TTLL11: variants seen among roughly 807,000 people sequenced by gnomAD.
TTLL11 encodes the protein tubulin tyrosine ligase like 11.
In TTLL11, 42 loss-of-function variants were observed where a neutral mutation model predicts 51.7. That is an observed-to-expected ratio of 0.81 (90% confidence interval 0.64 to 1.05). The LOEUF is 1.05. TTLL11 is among the 50% of genes least tolerant of loss of function. The pLI is 0.00. For missense variants in TTLL11, 799 were observed against 940.4 expected, an observed-to-expected ratio of 0.85 and a Z score of 1.97; for synonymous variants, 381 against 383.5, an observed-to-expected ratio of 0.99 and a Z score of 0.08.
chr9:121,828,713 C>T (rs973292471), intron 8 of TTLL11, among the ~76,000 whole-genome samples: 2 of 152,086 alleles, frequency 1.3e-5, no homozygotes, highest in East Asian at 3.9e-4. Context: ...CATTTATTCC[C>T]TTACAATAAA....
At chr9:121,974,195 C>T in intron 5 of TTLL11, 71 bp from the exon 6 acceptor site, 1 of 1,189,226 alleles carries the variant, frequency 8.4e-7, no homozygotes, top group South Asian at 1.4e-5. Flanking sequence ...CCAGCTAGCT[C>T]CAGGGGTTAT....
At chr9:122,050,662 G>A (rs1337050059) in intron 1 of TTLL11, among the ~76,000 whole-genome samples, 8 of 152,012 alleles carry the variant, frequency 5.3e-5, no homozygotes, top group African/African-American at 1.9e-4. Context: ...ATGACCAATG[G>A]CATACAGCAG....
chr9:122,051,771 T>C (rs2131849861), intron 1 of TTLL11, among the ~76,000 whole-genome samples: 1 of 152,220 alleles, frequency 6.6e-6, no homozygotes, highest in East Asian at 1.9e-4. Context: ...GTAATAAATT[T>C]CTTCTGTTTC....
Position 121,995,020 on chromosome 9 carries a change from G to A in TTLL11, c.694-5250C>T, listed in dbSNP as rs1445378656. On this transcript the variant is annotated intron_variant, in intron 3 of 8. Transcript: ENST00000321582. The surrounding 1 kb of genome is among the most constrained non-coding windows in gnomAD (Gnocchi z 4.4). Reference sequence around the variant, plus strand: ...ATATAAGGGAATGAGGAAAGGCAGAGGGGAGGCAGTGGGAAGATGATGAGC... The same window carrying A: ...ATATAAGGGAATGAGGAAAGGCAGAAGGGAGGCAGTGGGAAGATGATGAGC... Among the ~76,000 whole-genome samples the A allele has an allele frequency of 6.6e-6, 1 of 152,216 alleles. No individual in the cohort carries two copies. Among genetic ancestry groups the A allele is most frequent in the Non-Finnish European group, 1.5e-5 (1 of 68,042 alleles).
At chr9:121,830,235 A>C (rs1376189898) in intron 8 of TTLL11, among the ~76,000 whole-genome samples, 1 of 152,246 alleles carries the variant, frequency 6.6e-6, no homozygotes, top group East Asian at 1.9e-4. Context: ...TTGCAGACTT[A>C]TGAAACCGCA....
intron 1 of TTLL11, among the ~76,000 whole-genome samples, chr9:122,081,554 G>C (rs911854222): frequency 1.3e-5 from 2 of 152,208 alleles, no homozygotes; most frequent in Non-Finnish European, 2.9e-5. Context: ...AAATCTATGT[G>C]AAAGTTTCAT....
At chr9:121,823,624 C>T (rs1410391864) in intron 8 of TTLL11, among the ~76,000 whole-genome samples, 1 of 152,150 alleles carries the variant, frequency 6.6e-6, no homozygotes, top group Non-Finnish European at 1.5e-5. Flanking sequence ...AAGATAAACC[C>T]GGTTTGACGG....
At chr9:121,966,289 A>T (rs1444872961) in intron 6 of TTLL11, among the ~76,000 whole-genome samples, 1 of 152,124 alleles carries the variant, frequency 6.6e-6, no homozygotes, top group Non-Finnish European at 1.5e-5. Context: ...GCAGTCCATA[A>T]CCCAGCTCCC....
At chr9:121,950,185 C>A (rs948686748) in intron 6 of TTLL11, among the ~76,000 whole-genome samples, 1 of 152,234 alleles carries the variant, frequency 6.6e-6, no homozygotes, top group Non-Finnish European at 1.5e-5. Flanking sequence ...TCAGTTATGA[C>A]CCTCCTAGGC....
At chr9:121,938,228 T>G (rs10985457) in intron 6 of TTLL11, among the ~76,000 whole-genome samples, 43,323 of 149,670 alleles carry the variant, frequency 0.29, 6,717 homozygotes, top group African/African-American at 0.39. Context: ...TGCAGAGGTT[T>G]CAGTGAGCCA....
chr9:122,017,477 T>C (rs1588208713), intron 3 of TTLL11, among the ~76,000 whole-genome samples: 1 of 151,368 alleles, frequency 6.6e-6, no homozygotes, highest in South Asian at 2.1e-4. Flanking sequence ...TGAGGCTTTT[T>C]TTTTTTTTTT....
chr9:122,050,392 CA>C (rs1464013753), intron 1 of TTLL11, among the ~76,000 whole-genome samples: 2 of 152,182 alleles, frequency 1.3e-5, no homozygotes, highest in Non-Finnish European at 2.9e-5. Flanking sequence ...TGCCTTCAGG[CA>C]GGTTAATAGA....
chr9:122,068,792 C>A (rs1019708200), intron 1 of TTLL11, among the ~76,000 whole-genome samples: 1 of 152,210 alleles, frequency 6.6e-6, no homozygotes, highest in South Asian at 2.1e-4. Context: ...GTCTCCCTGG[C>A]ACTTGGGTGT....
intron 6 of TTLL11, among the ~76,000 whole-genome samples, chr9:121,899,365 G>GTGTATATATATACATATATATATA (rs1226221957): frequency 9.7e-5 from 11 of 113,224 alleles, no homozygotes; most frequent in South Asian, 3.4e-4. Context: ...ATGTGTGTGT[G>GTGTATATATATACATATATATATA]TATATATATA....
In TTLL11 at chr9:121,827,287, C is replaced by T. The variant is rs79758752; in HGVS notation, c.1841-4408G>A. On this transcript the variant is annotated intron_variant, in intron 8 of 8. Coordinates refer to ENST00000321582, the MANE Select transcript of TTLL11 (RefSeq NM_001139442.2). ...AATGGTGGCTTACAGGCCTGCCACA[C>T]AGCCCCTCACCCCTCGGGGCCCTTG... 4.8e-3 allele frequency among the ~76,000 whole-genome samples: 731 copies of T among 152,272 alleles called. 8 individuals carry two copies. The highest frequency in any genetic ancestry group is 0.016 in the African/African-American group (669 of 41,552).
intron 1 of TTLL11, among the ~76,000 whole-genome samples, chr9:122,092,479 AG>A (rs1461682163): frequency 2.6e-4 from 40 of 152,076 alleles, no homozygotes; most frequent in Admixed American, 2.2e-3. Context: ...CTTGACCTGG[AG>A]GGGTCTGGGG....
At chr9:122,015,807 C>CAAAAAA (rs11297849) in intron 3 of TTLL11, among the ~76,000 whole-genome samples, 18 of 94,466 alleles carry the variant, frequency 1.9e-4, no homozygotes, top group African/African-American at 3.4e-4. Flanking sequence ...TCAAAAGAGA[C>CAAAAAA]AAAAAAAAAA....
intron 1 of TTLL11, among the ~76,000 whole-genome samples, chr9:122,073,666 A>G (rs1397525776): frequency 6.6e-6 from 1 of 152,142 alleles, no homozygotes; most frequent in African/African-American, 2.4e-5. Context: ...GAAACACCTC[A>G]CCAATCTGGA....
At chr9:121,863,393 A>G (rs1384794630) in intron 7 of TTLL11, among the ~76,000 whole-genome samples, 3 of 152,230 alleles carry the variant, frequency 2.0e-5, no homozygotes, top group African/African-American at 7.2e-5. Flanking sequence ...TCCACAAGTC[A>G]GGAGCGCTGC....
Sources: allele counts gnomAD v4.1 joint callset (sites outside exome capture counted in the v4.1 genomes callset), GRCh38; gene constraint gnomAD v4.1.1; non-coding constraint Gnocchi (gnomAD v3.1); transcripts MANE v1.5; gene names NCBI Gene and HGNC (gene_info 2026-07-23, HGNC 2026-07-21).